Variants in DNAH7 observed in about 807,000 individuals in gnomAD.
DNAH7 encodes the protein dynein axonemal heavy chain 7.
A neutral mutation model predicts 444.6 loss-of-function variants in DNAH7; 397 were observed. That is an observed-to-expected ratio of 0.89 (90% CI 0.82 to 0.97). The LOEUF (loss-of-function observed/expected upper bound fraction) is 0.97. DNAH7 is among the 50% of genes least tolerant of loss of function. The pLI is 0.00. For missense variants in DNAH7, 4,902 were observed against 4,800.8 expected, an observed-to-expected ratio of 1.02 and a Z score of -0.62; for synonymous variants, 1,636 against 1,624.4, an observed-to-expected ratio of 1.01 and a Z score of -0.17.
chr2:195,976,034 A>C (rs552686915), intron 15 of DNAH7, among the ~76,000 whole-genome samples: 6 of 152,314 alleles, frequency 3.9e-5, no homozygotes, highest in Admixed American at 3.9e-4. Flanking sequence ...TAAGAAAAGC[A>C]GAGGGAAGAG....
chr2:196,008,907 T>C (rs757333925), intron 10 of DNAH7, among the ~76,000 whole-genome samples: 1 of 152,150 alleles, frequency 6.6e-6, no homozygotes, highest in Non-Finnish European at 1.5e-5. Context: ...TGGCTCATGA[T>C]TCTATACGCT....
intron 21 of DNAH7, among the ~76,000 whole-genome samples, chr2:195,934,014 C>T (rs868006413): frequency 1.3e-5 from 2 of 149,266 alleles, no homozygotes; most frequent in South Asian, 4.2e-4. Context: ...GCTCACACTA[C>T]AGTAAAAAAA....
In DNAH7 at chr2:195,888,309, T is replaced by C; in HGVS notation, c.5355A>G (p.Leu1785=). 1 of 1,611,606 alleles carries C rather than the reference T, an allele frequency of 6.2e-7. No homozygotes were observed. The highest frequency in any genetic ancestry group is 8.5e-7 in the Non-Finnish European group (1 of 1,179,044). ...SVIQKEFIMG[L]FDRMVPVSVE... ...CCGAAACAGGGACCATTCTGTCAAA[T>C]AAGCCCATTATGAATTCCTTTTGAA... The change falls in exon 33 of 65, where the codon TTA becomes TTG. Residue 1785 remains leucine (L), a synonymous_variant. Transcript: ENST00000312428.
chr2:195,869,158 G>A (rs190495800), intron 40 of DNAH7, among the ~76,000 whole-genome samples: 191 of 151,978 alleles, frequency 1.3e-3, no homozygotes, highest in African/African-American at 4.5e-3. Flanking sequence ...CAAGGCCAGC[G>A]TCCCTTCTAG....
intron 2 of DNAH7, among the ~76,000 whole-genome samples, chr2:196,054,813 C>G (rs1483698283): frequency 6.6e-6 from 1 of 152,084 alleles, no homozygotes; most frequent in East Asian, 1.9e-4. Context: ...AAGGGGCTTC[C>G]CCTTCACTTG....
intron 27 of DNAH7, chr2:195,902,182 T>C (rs528311248): frequency 1.3e-5 from 2 of 152,284 alleles, no homozygotes; most frequent in South Asian, 2.1e-4. Context: ...ATGACTCTTC[T>C]AAGTTGAGAA....
At chr2:195,843,009 G>C (rs13385878) in intron 47 of DNAH7, among the ~76,000 whole-genome samples, 2,782 of 152,300 alleles carry the variant, frequency 0.018, 81 homozygotes, top group African/African-American at 0.061. Flanking sequence ...ACAAGAGCTT[G>C]AGAAGAGCCA....
intron 61 of DNAH7, among the ~76,000 whole-genome samples, chr2:195,769,611 A>G (rs1319879477): frequency 6.6e-6 from 1 of 151,986 alleles, no homozygotes; most frequent in East Asian, 1.9e-4. Context: ...TAGGGGGTAA[A>G]GGTGTTAGGA....
chr2:195,895,937 A>G (rs1270403840), intron 29 of DNAH7, among the ~76,000 whole-genome samples: 1 of 152,088 alleles, frequency 6.6e-6, no homozygotes. Flanking sequence ...ACAAAGTGCT[A>G]CAGTTTTTAA....
rs767066156 is a variant in DNAH7 at position 195,936,711 on chromosome 2, GA to G, written c.3159del (p.Gly1056AspfsTer41). 3 of 1,597,068 alleles carry G rather than the reference GA, an allele frequency of 1.9e-6. No homozygotes were observed. The highest frequency in any genetic ancestry group is 2.3e-5 in the East Asian group (1 of 43,902). On this transcript the variant is annotated frameshift_variant, in exon 20 of 65. Transcript: ENST00000312428. LOFTEE classifies it high-confidence loss of function. ...LKKSNELLELILKGLNEYLEK... is the reference protein window; with the variant it reads ...LKKSNELLELXLKGLNEYLEK... ...TCCAAATATTCATTAAGTCCTTTAAGAATGAGCTCCAAAAGTTCATTAGATT... is the reference window on the plus strand; with the variant it reads ...TCCAAATATTCATTAAGTCCTTTAAGATGAGCTCCAAAAGTTCATTAGATT...
At chr2:195,979,839 A>T (rs1559297953) in intron 15 of DNAH7, among the ~76,000 whole-genome samples, 1 of 152,030 alleles carries the variant, frequency 6.6e-6, no homozygotes, top group Non-Finnish European at 1.5e-5. Flanking sequence ...AGACAACTAT[A>T]TCCCAATAAA....
intron 12 of DNAH7, among the ~76,000 whole-genome samples, chr2:195,988,930 C>G (rs550189708): frequency 2.0e-5 from 3 of 152,248 alleles, no homozygotes; most frequent in African/African-American, 7.2e-5. Flanking sequence ...TAAGTGAGAT[C>G]ATTCAGTATT....
At chr2:196,017,681 A>G (rs1157121543) in intron 9 of DNAH7, among the ~76,000 whole-genome samples, 1 of 148,690 alleles carries the variant, frequency 6.7e-6, no homozygotes, top group Non-Finnish European at 1.5e-5. Flanking sequence ...TCCATGACAA[A>G]GGTGATCGCT....
chr2:195,836,008 G>C (rs893422587), intron 47 of DNAH7, among the ~76,000 whole-genome samples: 1 of 152,088 alleles, frequency 6.6e-6, no homozygotes, highest in African/African-American at 2.4e-5. Flanking sequence ...CACAGTTCTG[G>C]ACCCTGAAAG....
chr2:195,894,675 A>G, intron 30 of DNAH7: 1 of 201,924 alleles, frequency 5.0e-6, no homozygotes, highest in Non-Finnish European at 9.9e-6. Context: ...CTCCTCTGAA[A>G]GTATTGCAGG....
chr2:195,961,380 T>G (rs563828615), intron 17 of DNAH7, among the ~76,000 whole-genome samples: 1 of 148,848 alleles, frequency 6.7e-6, no homozygotes, highest in Admixed American at 7.1e-5. Flanking sequence ...TTGACCAACA[T>G]CTTCCCCAAT....
chr2:195,788,859 ATGTG>A (rs924614123), intron 57 of DNAH7, among the ~76,000 whole-genome samples: 1 of 152,200 alleles, frequency 6.6e-6, no homozygotes, highest in Non-Finnish European at 1.5e-5. Flanking sequence ...GTCTGCATGT[ATGTG>A]TATTTGTATA....
intron 22 of DNAH7, among the ~76,000 whole-genome samples, chr2:195,924,515 A>T (rs1688212058): frequency 6.6e-6 from 1 of 151,948 alleles, no homozygotes; most frequent in Non-Finnish European, 1.5e-5. Context: ...AATAGCTTGA[A>T]ACTGGGAGGT....
chr2:196,012,149 G>A (rs867543450), intron 10 of DNAH7, among the ~76,000 whole-genome samples: 3 of 152,026 alleles, frequency 2.0e-5, no homozygotes, highest in Non-Finnish European at 4.4e-5. Context: ...CATGTCCTCT[G>A]CTACCTTAAA....
Sources: gnomAD v4.1 joint callset for allele counts (sites outside exome capture counted in the v4.1 genomes callset) on GRCh38, gnomAD v4.1.1 for gene constraint, MANE v1.5 for transcripts, NCBI Gene and HGNC (gene_info 2026-07-23, HGNC 2026-07-21) for gene names.